CYP2C19: variants seen among roughly 807,000 people sequenced by gnomAD.
CYP2C19 encodes cytochrome P450 2C19.
In CYP2C19, 59 loss-of-function variants were observed where a neutral mutation model predicts 40.9. The observed-to-expected ratio is 1.44, with a 90% confidence interval of 1.17 to 1.79. CYP2C19 has a LOEUF of 1.79. CYP2C19 is among the 40% of genes most tolerant of loss of function. CYP2C19 has a pLI of 0.00. For synonymous variants in CYP2C19, 253 were observed against 208.7 expected (o/e 1.21, Z -1.83); for missense variants, 754 against 596.9 (o/e 1.26, Z -2.74).
chr10:94,849,169 C>CT (rs1302925004), intron 7 of CYP2C19, among the ~76,000 whole-genome samples: 1 of 151,814 alleles, frequency 6.6e-6, no homozygotes, highest in East Asian at 1.9e-4. Context: ...AAGTCATAGT[C>CT]TACACATAAG....
At chr10:94,776,921 A>G (rs1848414727) in intron 3 of CYP2C19, among the ~76,000 whole-genome samples, 1 of 152,098 alleles carries the variant, frequency 6.6e-6, no homozygotes. Flanking sequence ...CATCCCCAAA[A>G]CTGTTCATGC....
intron 5 of CYP2C19, among the ~76,000 whole-genome samples, chr10:94,791,162 T>C (rs145340760): frequency 6.6e-6 from 1 of 152,152 alleles, no homozygotes; most frequent in East Asian, 1.9e-4. Context: ...CGTAGAGGTG[T>C]TTATAGTAAT....
intron 3 of CYP2C19, among the ~76,000 whole-genome samples, chr10:94,778,141 G>A (rs1040875043): frequency 2.0e-5 from 3 of 152,132 alleles, no homozygotes; most frequent in Non-Finnish European, 4.4e-5. Flanking sequence ...GCACAATGCT[G>A]AAAACCTGGA....
At chr10:94,793,713 C>G (rs1204450149) in intron 5 of CYP2C19, among the ~76,000 whole-genome samples, 1 of 152,118 alleles carries the variant, frequency 6.6e-6, no homozygotes, top group Admixed American at 6.6e-5. Context: ...CTGATCCTTC[C>G]TCTGGAAGCT....
intron 1 of CYP2C19, among the ~76,000 whole-genome samples, chr10:94,768,427 T>C (rs1848278438): frequency 6.6e-6 from 1 of 152,150 alleles, no homozygotes; most frequent in Non-Finnish European, 1.5e-5. Flanking sequence ...TGGACTATAA[T>C]TTGTTGGCAG....
intron 4 of CYP2C19, among the ~76,000 whole-genome samples, chr10:94,780,994 T>C (rs1848472374): frequency 1.3e-5 from 2 of 152,108 alleles, no homozygotes; most frequent in Non-Finnish European, 2.9e-5. Context: ...TTTGGAGTCT[T>C]CCATTACTCA....
chr10:94,855,209 C>T lies in CYP2C19; in HGVS notation c.*2295C>T, dbSNP rs1038529053. On this transcript the variant is annotated 3_prime_UTR_variant, in exon 9 of 9. Coordinates refer to ENST00000371321, the MANE Select transcript of CYP2C19 (RefSeq NM_000769.4). ...GACCCTTGTGATTACATGAAACCCA[C>T]CAGTGTAATCTCTTCATGTCCAGAC... is the stretch of plus-strand genomic sequence containing the variant. Among the ~76,000 whole-genome samples the T allele has an allele frequency of 2.0e-5, 3 of 152,168 alleles. No homozygotes were observed. Among genetic ancestry groups the T allele is most frequent in the Admixed American group, 6.5e-5 (1 of 15,276 alleles).
At chr10:94,822,914 C>A (rs1368438073) in intron 6 of CYP2C19, among the ~76,000 whole-genome samples, 1 of 150,652 alleles carries the variant, frequency 6.6e-6, no homozygotes, top group Non-Finnish European at 1.5e-5. Flanking sequence ...TTCACCATTT[C>A]TAATTTTTTT....
chr10:94,823,086 G>T (rs1334377624), intron 6 of CYP2C19, among the ~76,000 whole-genome samples: 1 of 152,012 alleles, frequency 6.6e-6, no homozygotes, highest in African/African-American at 2.4e-5. Context: ...AGTACAGAGA[G>T]GATAAACTTG....
chr10:94,818,317 G>A lies in CYP2C19; in HGVS notation c.820-2179G>A, dbSNP rs972128786. 1.9e-3 allele frequency among the ~76,000 whole-genome samples: 286 copies of A among 150,766 alleles called. 1 individual carries two copies. The highest frequency in any genetic ancestry group is 1.5e-3 in the Non-Finnish European group (104 of 67,612). On this transcript the variant is annotated intron_variant, in intron 5 of 8. Transcript: ENST00000371321. ...GCCTTGTAGTATAGTTTGAAGTCAG[G>A]TAGTGTGATGCCTCCAGCTTTGTTC...
chr10:94,850,227 C>A, intron 8 of CYP2C19, among the ~76,000 whole-genome samples, 169 bp downstream of exon 8: 1 of 152,192 alleles, frequency 6.6e-6, no homozygotes, highest in Admixed American at 6.5e-5. Context: ...CCTCATTATT[C>A]GGCCAGATTA....
chr10:94,842,428 T>C (rs994398237), intron 6 of CYP2C19, among the ~76,000 whole-genome samples: 1 of 141,798 alleles, frequency 7.1e-6, no homozygotes, highest in South Asian at 2.4e-4. Context: ...AACAGATTAA[T>C]AGGTCTTGTT....
chr10:94,821,308 C>G (rs1849118027), intron 6 of CYP2C19, among the ~76,000 whole-genome samples: 1 of 152,108 alleles, frequency 6.6e-6, no homozygotes, highest in Admixed American at 6.6e-5. Flanking sequence ...TTTTGAACAG[C>G]AAGTGTATTG....
intron 5 of CYP2C19, among the ~76,000 whole-genome samples, chr10:94,801,153 A>G (rs1429046996): frequency 6.6e-6 from 1 of 152,158 alleles, no homozygotes; most frequent in Non-Finnish European, 1.5e-5. Context: ...CCATCTTGCC[A>G]CTAAATCTCT....
chr10:94,780,555 T>C lies in CYP2C19; in HGVS notation c.538T>C (p.Ser180Pro). The C allele has an allele frequency of 3.1e-6, 5 of 1,613,950 alleles. No homozygotes were observed. The highest frequency in any genetic ancestry group is 4.2e-6 in the Non-Finnish European group (5 of 1,179,940). ...LGCAPCNVIC[S>P]IIFQKRFDYK... is the part of the protein sequence containing the mutation. ...CTGTGCTCCCTGCAATGTGATCTGC[T>C]CCATTATTTTCCAGAAACGTTTCGA... The change falls in exon 4 of 9, where the codon TCC becomes CCC. Residue 180 changes from serine to proline, a missense_variant. Physicochemically the swap from Ser to Pro is moderately conservative, Grantham distance 74. Coordinates refer to ENST00000371321, the MANE Select transcript of CYP2C19 (RefSeq NM_000769.4).
At position 94,855,422 on chromosome 10, in the gene CYP2C19, A is replaced by G. The variant is rs111400098; in HGVS notation, c.*2508A>G. ...TTGCTAATTCTCTGCATTTATTTTT[A>G]TTGTTTGTATTTCTTCCCTAAAATA... On this transcript the variant is annotated 3_prime_UTR_variant, in exon 9 of 9. Transcript: ENST00000371321. 2.6e-3 allele frequency among the ~76,000 whole-genome samples: 398 copies of G among 152,268 alleles called. 2 individuals are homozygous for G. The highest frequency in any genetic ancestry group is 8.4e-3 in the African/African-American group (350 of 41,560).
At chr10:94,849,726 A>G (rs182695692) in intron 7 of CYP2C19, among the ~76,000 whole-genome samples, 191 bp from the exon 8 acceptor site, 1 of 144,028 alleles carries the variant, frequency 6.9e-6, no homozygotes, top group Non-Finnish European at 1.5e-5. Context: ...GCATTTTAGC[A>G]AGATTATTGT....
At chr10:94,824,527 T>C (rs188488256) in intron 6 of CYP2C19, among the ~76,000 whole-genome samples, 2 of 152,298 alleles carry the variant, frequency 1.3e-5, no homozygotes, top group East Asian at 1.9e-4. Flanking sequence ...TACACAGTTA[T>C]ATATATGCGT....
chr10:94,833,370 C>T (rs1849358636), intron 6 of CYP2C19, among the ~76,000 whole-genome samples: 1 of 152,120 alleles, frequency 6.6e-6, no homozygotes, highest in Non-Finnish European at 1.5e-5. Context: ...GTTTTCCCCA[C>T]TCAGTATGGT....
Sources: allele counts gnomAD v4.1 joint callset (sites outside exome capture counted in the v4.1 genomes callset), GRCh38; gene constraint gnomAD v4.1.1; transcripts MANE v1.5; gene names NCBI Gene and HGNC (gene_info 2026-07-23, HGNC 2026-07-21).